CEP128: variants seen among roughly 807,000 people sequenced by gnomAD.
CEP128 encodes centrosomal protein 128, also known as centrosomal protein 128kDa.
CEP128 carries 132 observed loss-of-function variants against 156.7 expected under a neutral mutation model. The observed-to-expected ratio is 0.84, with a 90% CI of 0.73 to 0.97. The LOEUF (loss-of-function observed/expected upper bound fraction) is 0.97, where lower values mean the gene tolerates loss of function less well. Ranked by LOEUF, CEP128 falls within the 50% of genes least tolerant of loss-of-function variation. CEP128 has a pLI of 0.00. For synonymous variants in CEP128, 469 were observed against 448.9 expected, an observed-to-expected ratio of 1.04 and a Z score of -0.57; for missense variants, 1,252 against 1,281.9, an observed-to-expected ratio of 0.98 and a Z score of 0.36.
chr14:80,677,933 G>A (rs1351636338), intron 19 of CEP128, among the ~76,000 whole-genome samples: 1 of 151,640 alleles, frequency 6.6e-6, no homozygotes, highest in Non-Finnish European at 1.5e-5. Context: ...CCTGAGTATA[G>A]AAAACCACAA....
chr14:80,723,417 AC>A lies in CEP128; in HGVS notation c.2806+19657del, dbSNP rs1897899730. Reference sequence around the variant, plus strand: ...TAGAATCGTATTCAGGCTGGAGACAACAGAAATGTTTTAATCAATGCATAAA... The same window carrying A: ...TAGAATCGTATTCAGGCTGGAGACAAAGAAATGTTTTAATCAATGCATAAA... On this transcript the variant is annotated intron_variant, in intron 19 of 24. Coordinates refer to ENST00000555265, the MANE Select transcript of CEP128 (RefSeq NM_152446.5). Among the ~76,000 whole-genome samples, 3 of 152,240 alleles carry A rather than the reference AC, an allele frequency of 2.0e-5. No individual in the cohort carries two copies. In the South Asian group the frequency reaches 6.2e-4, roughly 31 times the overall value.
At chr14:80,559,325 A>C in intron 20 of CEP128, 23 bp from the exon 21 acceptor site, 1 of 1,579,588 alleles carries the variant, frequency 6.3e-7, no homozygotes, top group South Asian at 1.2e-5. Context: ...CATAATATAT[A>C]ATTATAAAAC....
At chr14:80,788,310 T>TTTTTTTC (rs398025906) in intron 14 of CEP128, among the ~76,000 whole-genome samples, 1 of 149,438 alleles carries the variant, frequency 6.7e-6, no homozygotes, top group African/African-American at 2.5e-5. Context: ...TTTTTTTTTT[T>TTTTTTTC]CTGTTTCCTG....
At chr14:80,893,585 A>G (rs1399716622) in intron 8 of CEP128, among the ~76,000 whole-genome samples, 1 of 151,978 alleles carries the variant, frequency 6.6e-6, no homozygotes, top group South Asian at 2.1e-4. Flanking sequence ...TACTATCTAC[A>G]TATATCCCAT....
intron 13 of CEP128, chr14:80,822,826 C>T: frequency 1.4e-6 from 1 of 727,806 alleles, no homozygotes; most frequent in Non-Finnish European, 2.5e-6. Context: ...ACTGTGTAAA[C>T]TTCTGTTGAC....
intron 21 of CEP128, among the ~76,000 whole-genome samples, chr14:80,550,741 A>G (rs1325962487): frequency 6.6e-6 from 1 of 151,260 alleles, no homozygotes; most frequent in African/African-American, 2.4e-5. Flanking sequence ...ACATTTTTAT[A>G]GACTGGATTA....
chr14:80,593,436 G>T (rs1892170682), intron 19 of CEP128, among the ~76,000 whole-genome samples: 1 of 151,374 alleles, frequency 6.6e-6, no homozygotes, highest in African/African-American at 2.4e-5. Context: ...AGCTACTCGG[G>T]TGACTGAGGC....
At chr14:80,487,355 G>T (rs1470718065), downstream of CEP128, among the ~76,000 whole-genome samples, 13 of 152,152 alleles carry the variant, frequency 8.5e-5, no homozygotes, top group Non-Finnish European at 2.9e-5. Flanking sequence ...ACCCAATACT[G>T]GAGCACCCAG....
chr14:80,484,753 C>CA (rs1887123951), intron 14 of CEP128, among the ~76,000 whole-genome samples: 1 of 152,182 alleles, frequency 6.6e-6, no homozygotes, highest in Non-Finnish European at 1.5e-5. Context: ...TAGATTCCTT[C>CA]TTTTTTTCCA....
intron 19 of CEP128, among the ~76,000 whole-genome samples, chr14:80,700,930 T>C (rs1419908810): frequency 3.9e-5 from 6 of 152,176 alleles, no homozygotes; most frequent in Middle Eastern, 3.4e-3. Context: ...GGATATCACA[T>C]ATAGGAGAGT....
At position 80,559,295 on chromosome 14, in the gene CEP128, A is replaced by G. The variant is rs1374993492; in HGVS notation, c.2864T>C (p.Val955Ala). Reference sequence around the variant, plus strand: ...CCAACTTACCGTTTCTAATGCAATTACACGGTCCTGCAAAGAAAGCATAAT... The same window carrying G: ...CCAACTTACCGTTTCTAATGCAATTGCACGGTCCTGCAAAGAAAGCATAAT... Reference protein sequence around the residue: ...DEEMGSLQDRVIALETSTQVA... With the variant: ...DEEMGSLQDRAIALETSTQVA... The change falls in exon 21 of 25, where the codon GTA (valine) becomes GCA (alanine). Residue 955 changes from valine to alanine, a missense_variant. Physicochemically the swap from Val to Ala is moderately conservative, Grantham distance 64. Transcript: ENST00000555265. 1 of 1,604,044 alleles carries G rather than the reference A, an allele frequency of 6.2e-7. No individual in the cohort carries two copies. Among genetic ancestry groups the G allele is most frequent in the Non-Finnish European group, 8.5e-7 (1 of 1,176,162 alleles).
At chr14:80,916,855 A>C (rs1232477627) in intron 2 of CEP128, among the ~76,000 whole-genome samples, 1 of 152,202 alleles carries the variant, frequency 6.6e-6, no homozygotes, top group Non-Finnish European at 1.5e-5. Flanking sequence ...AAATTTTAAA[A>C]GTATTGTCAC....
chr14:80,717,006 C>T (rs1897631616), intron 19 of CEP128, among the ~76,000 whole-genome samples: 1 of 152,044 alleles, frequency 6.6e-6, no homozygotes, highest in Non-Finnish European at 1.5e-5. Context: ...TGCTCATTAG[C>T]CATTTTACAT....
At chr14:80,783,898 G>A (rs1901257449) in intron 15 of CEP128, among the ~76,000 whole-genome samples, 1 of 152,092 alleles carries the variant, frequency 6.6e-6, no homozygotes, top group East Asian at 1.9e-4. Flanking sequence ...ATTCTGACCT[G>A]CCAATCCCAA....
intron 19 of CEP128, among the ~76,000 whole-genome samples, chr14:80,715,454 T>C (rs1409487970): frequency 2.0e-5 from 3 of 152,150 alleles, no homozygotes; most frequent in African/African-American, 7.2e-5. Context: ...GGTGAACGCA[T>C]ATGCAATTAA....
chr14:80,887,877 G>C (rs1166342110), intron 8 of CEP128, among the ~76,000 whole-genome samples: 1 of 151,968 alleles, frequency 6.6e-6, no homozygotes, highest in Non-Finnish European at 1.5e-5. Context: ...CAGATAGACT[G>C]CTAGCCAGAC....
At chr14:80,607,280 A>C (rs991805302) in intron 19 of CEP128, among the ~76,000 whole-genome samples, 2 of 152,162 alleles carry the variant, frequency 1.3e-5, no homozygotes, top group African/African-American at 4.8e-5. Flanking sequence ...CTGAAGCTAC[A>C]TAATAAATAT....
intron 8 of CEP128, among the ~76,000 whole-genome samples, chr14:80,894,961 A>G (rs1380692642): frequency 6.6e-6 from 1 of 152,004 alleles, no homozygotes; most frequent in Non-Finnish European, 1.5e-5. Flanking sequence ...ATATTAAGAG[A>G]AAATCTTGCT....
chr14:80,507,769 C>T (rs1311313505), intron 23 of CEP128, among the ~76,000 whole-genome samples: 1 of 152,014 alleles, frequency 6.6e-6, no homozygotes, highest in Non-Finnish European at 1.5e-5. Context: ...CAAAATGCGC[C>T]TACCAGAGGA....
Sources: gnomAD v4.1 joint callset for allele counts (sites outside exome capture counted in the v4.1 genomes callset) on GRCh38, gnomAD v4.1.1 for gene constraint, MANE v1.5 for transcripts, NCBI Gene and HGNC (gene_info 2026-07-23, HGNC 2026-07-21) for gene names.